The following PNMA8B variants were observed in gnomAD, a reference collection of about 807,000 sequenced individuals.
PNMA8B encodes paraneoplastic antigen-like protein 8B.
For synonymous variants in PNMA8B, 386 were observed against 394.9 expected, an observed-to-expected ratio of 0.98 and a Z score of 0.27; for missense variants, 887 against 885.8, an observed-to-expected ratio of 1.00 and a Z score of -0.02.
In PNMA8B at chr19:46,492,171, A is replaced by G; in HGVS notation, c.*1387T>C. 1 of 434,802 alleles carries G rather than the reference A, an allele frequency of 2.3e-6. No individual in the cohort carries two copies. Among genetic ancestry groups the G allele is most frequent in the Non-Finnish European group, 4.7e-6 (1 of 214,050 alleles). The allele number at this position is 434,802 out of a possible 1,614,324, so 26.9% of individuals were successfully genotyped here. On this transcript the variant is annotated 3_prime_UTR_variant, in exon 1 of 1. Coordinates refer to ENST00000599531, the MANE Select transcript of PNMA8B (RefSeq NM_020709.3). The stretch of plus-strand genomic sequence containing the variant: ...AACCCTCCTATTCCTTCCCAGGGAC[A>G]AGTGGGGCAGGGCCCCCTGGCACGA...
At position 46,493,596 on chromosome 19, in the gene PNMA8B, C is replaced by A. The variant is rs773602985; in HGVS notation, c.1870G>T (p.Ala624Ser). 1 of 1,487,080 alleles carries A rather than the reference C, an allele frequency of 6.7e-7. No homozygotes were observed. The highest frequency in any genetic ancestry group is 8.9e-7 in the Non-Finnish European group (1 of 1,129,208). 92.1% of individuals were successfully genotyped at this position (1,487,080 alleles called of 1,614,324 possible). A position where few individuals can be genotyped will look rare whatever the true frequency, so the allele number is the denominator to read the frequency against. The change falls in exon 1 of 1, where the codon GCC (alanine) becomes TCC (serine). Residue 624 changes from alanine to serine, a missense_variant. Coordinates refer to ENST00000599531, the MANE Select transcript of PNMA8B (RefSeq NM_020709.3). The surrounding 1 kb of genome is among the most constrained non-coding windows in gnomAD (Gnocchi z 5.3). ...GGGGGCAGCCTCCGGCCCCGACGGG[C>A]CTTCTTCCCGCGCGCGGCCTTGGAT... Reference protein sequence around the residue: ...TGSKAARGKKARRGRRLPPKC... With the variant: ...TGSKAARGKKSRRGRRLPPKC...
rs1240354454 is a variant in PNMA8B at position 46,494,233 on chromosome 19, G to A, written c.1233C>T (p.Leu411=). 2 of 1,609,226 alleles carry A rather than the reference G, an allele frequency of 1.2e-6. No homozygotes were observed. The highest frequency in any genetic ancestry group is 1.7e-6 in the Non-Finnish European group (2 of 1,179,676). Residue 411 remains leucine (L), a synonymous_variant, in exon 1 of 1, where the codon CTC becomes CTT. Coordinates refer to ENST00000599531, the MANE Select transcript of PNMA8B (RefSeq NM_020709.3). ...VLRKAGDDGD[L]RECISTLAQP... ...GCGCCAAGGTGGAAATGCACTCCCG[G>A]AGGTCCCCGTCATCCCCGGCCTTGC...
chr19:46,495,613 C>G lies in PNMA8B; in HGVS notation c.-148G>C. On this transcript the variant is annotated 5_prime_UTR_variant, in exon 1 of 1. Coordinates refer to ENST00000599531, the MANE Select transcript of PNMA8B (RefSeq NM_020709.3). Reference sequence around the variant, plus strand: ...TGAATGTGGCAAGGCTGGAGTGGGGCTCGGGGCTCGGGGGCTCTAGCTGCC... The same window carrying G: ...TGAATGTGGCAAGGCTGGAGTGGGGGTCGGGGCTCGGGGGCTCTAGCTGCC... 1.0e-6 allele frequency: 1 copy of G among 991,794 alleles called. No individual in the cohort carries two copies. The highest frequency in any genetic ancestry group is 1.5e-6 in the Non-Finnish European group (1 of 687,268). 61.4% of individuals were successfully genotyped at this position (991,794 alleles called of 1,614,324 possible).
At position 46,494,130 on chromosome 19, in the gene PNMA8B, C is replaced by T. The variant is rs1970051935; in HGVS notation, c.1336G>A (p.Gly446Arg). ...AGCGCCACCAGCTCCAGAAGACCCC[C>T]TTCGTCCTCACGGTGCTCGCTCCAG... ...GGWSEHREDEGGLLELVALLA... is the reference protein window; with the variant it reads ...GGWSEHREDERGLLELVALLA... The change falls in exon 1 of 1, where the codon GGG becomes AGG. Residue 446 changes from glycine (G) to arginine (R), a missense_variant. Gly to Arg is a moderately radical substitution (Grantham distance 125). Transcript: ENST00000599531. 5.6e-6 allele frequency: 9 copies of T among 1,611,414 alleles called. No individual in the cohort carries two copies. The highest frequency in any genetic ancestry group is 7.6e-6 in the Non-Finnish European group (9 of 1,179,868).
In PNMA8B at chr19:46,494,737, G is replaced by C. The variant is rs1292078124; in HGVS notation, c.729C>G (p.Ser243=). 6.2e-7 allele frequency: 1 copy of C among 1,613,812 alleles called. No individual in the cohort carries two copies. The highest frequency in any genetic ancestry group is 8.5e-7 in the Non-Finnish European group (1 of 1,179,894). Residue 243 remains serine (S), a synonymous_variant, in exon 1 of 1, where the codon TCC becomes TCG. Coordinates refer to ENST00000599531, the MANE Select transcript of PNMA8B (RefSeq NM_020709.3). ...ELVRQWAPCN[S]EGEEDGPREF... The stretch of plus-strand genomic sequence containing the variant: ...CGCGGGGACCGTCTTCTTCCCCCTC[G>C]GAGTTGCAGGGCGCCCACTGCCTAA...
In PNMA8B at chr19:46,493,615, C is replaced by A; in HGVS notation, c.1851G>T (p.Lys617Asn). Reference sequence around the variant, plus strand: ...GACGGGCCTTCTTCCCGCGCGCGGCCTTGGATCCAGTGGGCGCCTGGCCCT... The same window carrying A: ...GACGGGCCTTCTTCCCGCGCGCGGCATTGGATCCAGTGGGCGCCTGGCCCT... ...EAKGQAPTGS[K>N]AARGKKARRG... The change falls in exon 1 of 1, where the codon AAG becomes AAT. Residue 617 changes from lysine (K) to asparagine (N), a missense_variant. By Grantham distance (94) the Lys-to-Asn change is moderately conservative (BLOSUM62 0). Coordinates refer to ENST00000599531, the MANE Select transcript of PNMA8B (RefSeq NM_020709.3). This position sits in a 1 kb window ranked among gnomAD's most constrained non-coding sequence, Gnocchi z 5.3. 1 of 1,519,948 alleles carries A rather than the reference C, an allele frequency of 6.6e-7. No homozygotes were observed. The highest frequency in any genetic ancestry group is 1.2e-5 in the South Asian group (1 of 81,502). 94.2% of individuals were successfully genotyped at this position (1,519,948 alleles called of 1,614,324 possible). A position where few individuals can be genotyped will look rare whatever the true frequency, so the allele number is the denominator to read the frequency against.
Position 46,492,488 on chromosome 19 carries a change from T to C in PNMA8B, c.*1070A>G, listed in dbSNP as rs892892195. 7 of 163,068 alleles carry C rather than the reference T, an allele frequency of 4.3e-5. No individual in the cohort carries two copies. Among genetic ancestry groups the C allele is most frequent in the Non-Finnish European group, 9.4e-5 (7 of 74,500 alleles). The allele number at this position is 163,068 out of a possible 1,614,324, so 10.1% of individuals were successfully genotyped here. On this transcript the variant is annotated 3_prime_UTR_variant, in exon 1 of 1. Transcript: ENST00000599531. ...CCTCCCCAGGTCATTTCATCCCCTG[T>C]AAGGAGGGACACGCGGCCGGCTTCT...
Position 46,494,725 on chromosome 19 carries a change from T to C in PNMA8B, c.741A>G (p.Glu247=). 6.2e-7 allele frequency: 1 copy of C among 1,614,006 alleles called. No homozygotes were observed. Among genetic ancestry groups the C allele is most frequent in the Non-Finnish European group, 8.5e-7 (1 of 1,179,884 alleles). The change falls in exon 1 of 1, where the codon GAA becomes GAG. Residue 247 remains glutamate, a synonymous_variant. Coordinates refer to ENST00000599531, the MANE Select transcript of PNMA8B (RefSeq NM_020709.3). ...GAGCCAAGAACTCGCGGGGACCGTC[T>C]TCTTCCCCCTCGGAGTTGCAGGGCG... The part of the protein sequence containing the change: ...QWAPCNSEGE[E]DGPREFLALV...
In PNMA8B at chr19:46,492,301, T is replaced by C. The variant is rs1287798050; in HGVS notation, c.*1257A>G. 3.6e-6 allele frequency: 1 copy of C among 275,864 alleles called. No individual in the cohort carries two copies. The highest frequency in any genetic ancestry group is 1.1e-4 in the East Asian group (1 of 8,962). The allele number at this position is 275,864 out of a possible 1,614,324, so 17.1% of individuals were successfully genotyped here. On this transcript the variant is annotated 3_prime_UTR_variant, in exon 1 of 1. Transcript: ENST00000599531. ...AGGTGGGGTCCCGTGGAGACTGATA[T>C]TTAGGTAAAAATCGAGCTCAGCCGG...
Position 46,492,065 on chromosome 19 carries a change from C to T in PNMA8B, c.*1493G>A. On this transcript the variant is annotated 3_prime_UTR_variant, in exon 1 of 1. Coordinates refer to ENST00000599531, the MANE Select transcript of PNMA8B (RefSeq NM_020709.3). ...AGAGGGGAGCACCCACGCCCTGCAGCAGGTCTCAGTCAGCTTCTACATCTG... is the reference window on the plus strand; with the variant it reads ...AGAGGGGAGCACCCACGCCCTGCAGTAGGTCTCAGTCAGCTTCTACATCTG... The T allele has an allele frequency of 2.9e-6, 1 of 345,798 alleles. No individual in the cohort carries two copies. Among genetic ancestry groups the T allele is most frequent in the Non-Finnish European group, 6.1e-6 (1 of 164,744 alleles). 21.4% of individuals were successfully genotyped at this position (345,798 alleles called of 1,614,324 possible).
rs778920231 is a variant in PNMA8B at position 46,495,279 on chromosome 19, G to C, written c.187C>G (p.Gln63Glu). 1 of 1,499,028 alleles carries C rather than the reference G, an allele frequency of 6.7e-7. No individual in the cohort carries two copies. The highest frequency in any genetic ancestry group is 1.7e-5 in the Admixed American group (1 of 59,888). 92.9% of individuals were successfully genotyped at this position (1,499,028 alleles called of 1,614,324 possible). The part of the protein sequence containing the change: ...HMKALMNEKA[Q>E]AALVEFVEDV... ...TCCACAAACTCCACCAGGGCGGCCT[G>C]GGCCTTCTCGTTCATCAAAGCCTTC... The change falls in exon 1 of 1, where the codon CAG becomes GAG. Residue 63 changes from glutamine (Q) to glutamate (E), a missense_variant. Coordinates refer to ENST00000599531, the MANE Select transcript of PNMA8B (RefSeq NM_020709.3).
At position 46,494,596 on chromosome 19, in the gene PNMA8B, G is replaced by A; in HGVS notation, c.870C>T (p.Pro290=). ...TCACAGCCAGCAGGGCCACTAAGTC[G>A]GGGACACCATTTTTGTCTTCTTTGG... ...LNTKEDKNGV[P]DLVALLAVRD... The change falls in exon 1 of 1, where the codon CCC becomes CCT. Residue 290 remains proline (P), a synonymous_variant. Coordinates refer to ENST00000599531, the MANE Select transcript of PNMA8B (RefSeq NM_020709.3). 2 of 1,614,010 alleles carry A rather than the reference G, an allele frequency of 1.2e-6. No homozygotes were observed. Among genetic ancestry groups the A allele is most frequent in the Non-Finnish European group, 8.5e-7 (1 of 1,179,882 alleles).
rs887299416 is a variant in PNMA8B, at chr19:46,493,887, C to T, written c.1579G>A (p.Asp527Asn). Reference protein sequence around the residue: ...DTESEASEPEDRASRKPRAKR... With the variant: ...DTESEASEPENRASRKPRAKR... Reference sequence around the variant, plus strand: ...GCCCGGGGCTTCCTGGATGCCCTGTCCTCCGGCTCCGACGCCTCGCTCTCG... The same window carrying T: ...GCCCGGGGCTTCCTGGATGCCCTGTTCTCCGGCTCCGACGCCTCGCTCTCG... Residue 527 changes from aspartate (D) to asparagine (N), a missense_variant, in exon 1 of 1, where the codon GAC (aspartate) becomes AAC (asparagine). By Grantham distance (23) the Asp-to-Asn change is conservative (BLOSUM62 1). Coordinates refer to ENST00000599531, the MANE Select transcript of PNMA8B (RefSeq NM_020709.3). The surrounding 1 kb of genome is among the most constrained non-coding windows in gnomAD (Gnocchi z 5.3). 3 of 1,555,806 alleles carry T rather than the reference C, an allele frequency of 1.9e-6. No individual in the cohort carries two copies. The highest frequency in any genetic ancestry group is 2.6e-6 in the Non-Finnish European group (3 of 1,152,262).
Position 46,492,211 on chromosome 19 carries a change from C to T in PNMA8B, c.*1347G>A, listed in dbSNP as rs1055949493. On this transcript the variant is annotated 3_prime_UTR_variant, in exon 1 of 1. Coordinates refer to ENST00000599531, the MANE Select transcript of PNMA8B (RefSeq NM_020709.3). Reference sequence around the variant, plus strand: ...CCCTGGCACGATGGGCTCCTCACTGCCAGGGAATGGAAATTGGGACGAGGA... The same window carrying T: ...CCCTGGCACGATGGGCTCCTCACTGTCAGGGAATGGAAATTGGGACGAGGA... 1.0e-5 allele frequency: 4 copies of T among 386,018 alleles called. No individual in the cohort carries two copies. Among genetic ancestry groups the T allele is most frequent in the Non-Finnish European group, 2.1e-5 (4 of 191,886 alleles). The allele number at this position is 386,018 out of a possible 1,614,324, so 23.9% of individuals were successfully genotyped here. A position where few individuals can be genotyped will look rare whatever the true frequency, so the allele number is the denominator to read the frequency against.
chr19:46,494,361 G>T lies in PNMA8B; in HGVS notation c.1105C>A (p.Arg369=). ...GACAAGACCTGTCGGAGGGGGTCTC[G>T]CTTGTCTTTCTCGTCGCTCCAGCCC... is the stretch of plus-strand genomic sequence containing the variant. ...SLGWSDEKDK[R]DPLRQVLSVM... The change falls in exon 1 of 1, where the codon CGA becomes AGA. Residue 369 remains arginine, a synonymous_variant. Coordinates refer to ENST00000599531, the MANE Select transcript of PNMA8B (RefSeq NM_020709.3). 1.2e-6 allele frequency: 2 copies of T among 1,613,202 alleles called. No homozygotes were observed. The highest frequency in any genetic ancestry group is 1.7e-6 in the Non-Finnish European group (2 of 1,179,878).
At position 46,494,197 on chromosome 19, in the gene PNMA8B, G is replaced by T; in HGVS notation, c.1269C>A (p.Leu423=). ...ECISTLAQPD[L]PPQAKKAGRG... is the part of the protein sequence containing the mutation. Reference sequence around the variant, plus strand: ...GCCCAGCCTTCTTCGCCTGGGGAGGGAGATCCGGCTGCGCCAAGGTGGAAA... The same window carrying T: ...GCCCAGCCTTCTTCGCCTGGGGAGGTAGATCCGGCTGCGCCAAGGTGGAAA... The change falls in exon 1 of 1, where the codon CTC becomes CTA. Residue 423 remains leucine, a synonymous_variant. Coordinates refer to ENST00000599531, the MANE Select transcript of PNMA8B (RefSeq NM_020709.3). 6.2e-7 allele frequency: 1 copy of T among 1,609,240 alleles called. No homozygotes were observed. Among genetic ancestry groups the T allele is most frequent in the South Asian group, 1.1e-5 (1 of 91,076 alleles).
In PNMA8B at chr19:46,494,853, C is replaced by G. The variant is rs757753199; in HGVS notation, c.613G>C (p.Val205Leu). Reference protein sequence around the residue: ...EDSSDESLGIVIEEIDQGDLS... With the variant: ...EDSSDESLGILIEEIDQGDLS... ...TCGCCCTGGTCGATCTCCTCGATCA[C>G]GATGCCCAGGCTCTCGTCGGAAGAG... The change falls in exon 1 of 1, where the codon GTG (valine) becomes CTG (leucine). Residue 205 changes from valine to leucine, a missense_variant. Val to Leu is a conservative substitution (Grantham distance 32). Transcript: ENST00000599531. The G allele has an allele frequency of 7.4e-6, 12 of 1,613,316 alleles. No homozygotes were observed. In the East Asian group the frequency reaches 2.5e-4, roughly 33 times the overall value.
In PNMA8B at chr19:46,494,554, C is replaced by T. The variant is rs1400108231; in HGVS notation, c.912G>A (p.Glu304=). 2 of 1,614,090 alleles carry T rather than the reference C, an allele frequency of 1.2e-6. No individual in the cohort carries two copies. Among genetic ancestry groups the T allele is most frequent in the Non-Finnish European group, 1.7e-6 (2 of 1,179,910 alleles). ...CCGAAGTGTCGCTGTCCACCGGCTC[C>T]TCGTCCGGGGTGTCTCTCACAGCCA... The part of the protein sequence containing the change: ...ALLAVRDTPD[E]EPVDSDTSES... Residue 304 remains glutamate (E), a synonymous_variant, in exon 1 of 1, where the codon GAG becomes GAA. Coordinates refer to ENST00000599531, the MANE Select transcript of PNMA8B (RefSeq NM_020709.3).
In PNMA8B at chr19:46,493,230, CCA is replaced by C; in HGVS notation, c.*326_*327del. The stretch of plus-strand genomic sequence containing the variant: ...GCTCGCCTCTGCAGGTGCCCGGCGT[CCA>C]CACACACACCCCCTCCGGGGGCAAC... On this transcript the variant is annotated 3_prime_UTR_variant, in exon 1 of 1. Transcript: ENST00000599531. This position sits in a 1 kb window ranked among gnomAD's most constrained non-coding sequence, Gnocchi z 5.3. 21 of 252,542 alleles carry C rather than the reference CCA, an allele frequency of 8.3e-5. No individual in the cohort carries two copies. The highest frequency in any genetic ancestry group is 1.0e-3 in the Middle Eastern group (1 of 992). The allele number at this position is 252,542 out of a possible 1,614,324, so 15.6% of individuals were successfully genotyped here. A position where few individuals can be genotyped will look rare whatever the true frequency, so the allele number is the denominator to read the frequency against.
Sources: allele counts gnomAD v4.1 joint callset, GRCh38; gene constraint gnomAD v4.1.1; non-coding constraint Gnocchi (gnomAD v3.1); transcripts MANE v1.5; gene names NCBI Gene and HGNC (gene_info 2026-07-23, HGNC 2026-07-21).